Variants in AFAP1 observed in about 807,000 individuals in gnomAD.
AFAP1 encodes actin filament-associated protein 1.
Under a neutral mutation model 93.9 loss-of-function variants are expected in AFAP1, and 75 were observed. That is an observed-to-expected ratio of 0.80 (90% CI 0.66 to 0.97). The LOEUF (loss-of-function observed/expected upper bound fraction) is 0.97, where lower values mean the gene tolerates loss of function less well. Among genes scored for constraint, AFAP1 ranks in the 50% least tolerant of loss-of-function variants. AFAP1 has a pLI of 0.00. For missense variants in AFAP1, 1,201 were observed against 1,050.8 expected, an observed-to-expected ratio of 1.14 and a Z score of -1.98; for synonymous variants, 517 against 430.7, an observed-to-expected ratio of 1.20 and a Z score of -2.48.
chr4:7,838,434 GAAC>G, intron 6 of AFAP1, 87 bp downstream of exon 6: 2 of 1,431,902 alleles, frequency 1.4e-6, no homozygotes, highest in Non-Finnish European at 9.3e-7. Flanking sequence ...GCCTATGCTT[GAAC>G]AAAATTAAAA....
At chr4:7,862,046 T>C (rs933207319) in intron 3 of AFAP1, 1 of 152,118 alleles carries the variant, frequency 6.6e-6, no homozygotes, top group Non-Finnish European at 1.5e-5. Context: ...AACTTCACTG[T>C]TTCAGGCCGA....
At chr4:7,814,460 C>T (rs1720300516) in intron 8 of AFAP1, among the ~76,000 whole-genome samples, 1 of 151,566 alleles carries the variant, frequency 6.6e-6, no homozygotes, top group South Asian at 2.1e-4. Flanking sequence ...CACGCAAAAA[C>T]CTGTCTCTGA....
rs1713808293 is a variant in AFAP1, at chr4:7,761,580, G to C, written c.*2185C>G. ...CCCACCTGTGCTGGGCCAGGACCGT[G>C]ACTTCAGGCTGGCCATCTCCCCCTT... On this transcript the variant is annotated 3_prime_UTR_variant, in exon 18 of 18. Transcript: ENST00000420658. 1 of 152,338 alleles carries C rather than the reference G, an allele frequency of 6.6e-6. No individual in the cohort carries two copies. The highest frequency in any genetic ancestry group is 2.4e-5 in the African/African-American group (1 of 41,460). The allele number at this position is 152,338 out of a possible 1,614,324, so 9.4% of individuals were successfully genotyped here. A position where few individuals can be genotyped will look rare whatever the true frequency, so the allele number is the denominator to read the frequency against.
At chr4:7,849,012 C>A (rs1163521164) in intron 4 of AFAP1, among the ~76,000 whole-genome samples, 1 of 152,192 alleles carries the variant, frequency 6.6e-6, no homozygotes, top group Admixed American at 6.5e-5. Flanking sequence ...TCACGACTTT[C>A]CAAGGGGCCA....
chr4:7,792,408 C>T (rs10008382), intron 11 of AFAP1, among the ~76,000 whole-genome samples: 59,285 of 151,872 alleles, frequency 0.39, 12,124 homozygotes, highest in East Asian at 0.71. Context: ...GCTGAGTAGC[C>T]GGCAAGCTCA....
At chr4:7,889,201 C>T (rs1718298497) in intron 1 of AFAP1, among the ~76,000 whole-genome samples, 1 of 152,142 alleles carries the variant, frequency 6.6e-6, no homozygotes, top group African/African-American at 2.4e-5. Flanking sequence ...ACTGGAAAAT[C>T]ATTAAGTATA....
chr4:7,803,017 G>A (rs1015277686), intron 9 of AFAP1, among the ~76,000 whole-genome samples: 1 of 152,178 alleles, frequency 6.6e-6, no homozygotes, highest in Non-Finnish European at 1.5e-5. Flanking sequence ...TAACAGCGCT[G>A]GGAACCACGT....
intron 4 of AFAP1, among the ~76,000 whole-genome samples, chr4:7,845,196 C>A (rs1179683437): frequency 6.6e-6 from 1 of 152,032 alleles, no homozygotes; most frequent in East Asian, 1.9e-4. Flanking sequence ...CCAAGGCGGG[C>A]GAATCACTTG....
chr4:7,815,370 A>G (rs1366322135), intron 8 of AFAP1, among the ~76,000 whole-genome samples: 1 of 152,276 alleles, frequency 6.6e-6, no homozygotes, highest in Non-Finnish European at 1.5e-5. Context: ...AATGCACTGA[A>G]CTGTACACTG....
chr4:7,775,996 C>T (rs796959346), intron 14 of AFAP1: 19 of 152,302 alleles, frequency 1.2e-4, no homozygotes, highest in African/African-American at 4.3e-4. Flanking sequence ...ATTATGTTGG[C>T]TTTTCAATAA....
chr4:7,792,124 G>A (rs1717916050), intron 11 of AFAP1, among the ~76,000 whole-genome samples: 1 of 152,108 alleles, frequency 6.6e-6, no homozygotes, highest in East Asian at 1.9e-4. Context: ...GACAAGTGGG[G>A]CACATTTTAA....
At position 7,800,474 on chromosome 4, in the gene AFAP1, G is replaced by A. The variant is rs775983933; in HGVS notation, c.1234C>T (p.Leu412=). The A allele has an allele frequency of 6.8e-6, 11 of 1,614,214 alleles. No homozygotes were observed. The Admixed American group carries it at 1.8e-4, about 27-fold the overall frequency. Reference sequence around the variant, plus strand: ...ACTGCAACCTCCTGGCCGTTGCGCAGCAGCCGGAACGTCAGAGGATGTTTA... The same window carrying A: ...ACTGCAACCTCCTGGCCGTTGCGCAACAGCCGGAACGTCAGAGGATGTTTA... The part of the protein sequence containing the change: ...DSKHPLTFRL[L]RNGQEVAVLE... The change falls in exon 10 of 18, where the codon CTG becomes TTG. Residue 412 remains leucine (L), a synonymous_variant. Transcript: ENST00000420658.
intron 1 of AFAP1, among the ~76,000 whole-genome samples, chr4:7,903,855 T>C (rs1476515741): frequency 6.6e-6 from 1 of 151,988 alleles, no homozygotes; most frequent in Non-Finnish European, 1.5e-5. Flanking sequence ...ATGGTGATGT[T>C]TTAAGATGGC....
In AFAP1 at chr4:7,765,536, C is replaced by T. The variant is rs927676105; in HGVS notation, c.2419-1745G>A. ...TCCATTCATCTCTGGGTCCTCAGCACCCAGTGCAGCTGCACAGAGGCAGAA... is the reference window on the plus strand; with the variant it reads ...TCCATTCATCTCTGGGTCCTCAGCATCCAGTGCAGCTGCACAGAGGCAGAA... On this transcript the variant is annotated intron_variant, in intron 17 of 17. Transcript: ENST00000420658. Among the ~76,000 whole-genome samples, 38 of 152,268 alleles carry T rather than the reference C, an allele frequency of 2.5e-4. 1 individual carries two copies. The highest frequency in any genetic ancestry group is 1.5e-5 in the Non-Finnish European group (1 of 68,056).
At chr4:7,903,985 GA>G (rs1719259971) in intron 1 of AFAP1, among the ~76,000 whole-genome samples, 1 of 151,622 alleles carries the variant, frequency 6.6e-6, no homozygotes, top group African/African-American at 2.4e-5. Context: ...TAAAATACAG[GA>G]AAATGTGTGT....
rs554454746 is a variant in AFAP1 at position 7,819,271 on chromosome 4, G to C, written c.727-100C>G. On this transcript the variant is annotated intron_variant, in intron 6 of 17. Coordinates refer to ENST00000420658, the MANE Select transcript of AFAP1 (RefSeq NM_001134647.2). ...AGACAGAGGCACATGGCGTGGTAGG[G>C]AAATTCATGGGCTCAAAGCACCTGG... The C allele has an allele frequency of 1.3e-5, 14 of 1,058,416 alleles. No homozygotes were observed. The South Asian group carries it at 1.6e-4, about 12-fold the overall frequency. 65.6% of individuals were successfully genotyped at this position (1,058,416 alleles called of 1,614,324 possible). A position where few individuals can be genotyped will look rare whatever the true frequency, so the allele number is the denominator to read the frequency against.
chr4:7,919,037 A>G (rs1165388677), intron 1 of AFAP1, among the ~76,000 whole-genome samples: 1 of 151,714 alleles, frequency 6.6e-6, no homozygotes, highest in African/African-American at 2.4e-5. Flanking sequence ...GGTCACCAGG[A>G]AACAGGGCTG....
rs192207653 is a variant in AFAP1 at position 7,853,754 on chromosome 4, G to A, written c.334+1712C>T. On this transcript the variant is annotated intron_variant, in intron 4 of 17. Transcript: ENST00000420658. ...ACTGAAGGTGGTACAATCCTTAACT[G>A]AGCTGACAAGTCAACCCATGGCTGT... is the stretch of plus-strand genomic sequence containing the variant. Among the ~76,000 whole-genome samples the A allele has an allele frequency of 6.3e-4, 96 of 152,270 alleles. 1 individual carries two copies. Among genetic ancestry groups the A allele is most frequent in the African/African-American group, 2.2e-3 (92 of 41,550 alleles).
intron 12 of AFAP1, among the ~76,000 whole-genome samples, chr4:7,783,737 G>A (rs767979847): frequency 1.8e-4 from 27 of 152,360 alleles, no homozygotes; most frequent in Middle Eastern, 3.4e-3. Flanking sequence ...AATAAAACGG[G>A]CTGGGTGGAG....
Sources: allele counts gnomAD v4.1 joint callset (sites outside exome capture counted in the v4.1 genomes callset), GRCh38; gene constraint gnomAD v4.1.1; transcripts MANE v1.5; gene names NCBI Gene and HGNC (gene_info 2026-07-23, HGNC 2026-07-21).